ADGRL3: variants seen among roughly 807,000 people sequenced by gnomAD.
ADGRL3 encodes adhesion G protein-coupled receptor L3.
In ADGRL3, 62 loss-of-function variants were observed where a neutral mutation model predicts 153.5. That is an observed-to-expected ratio of 0.40 (90% confidence interval 0.33 to 0.50). ADGRL3 has a LOEUF of 0.50. ADGRL3 is among the 20% of genes least tolerant of loss of function. ADGRL3 has a pLI of 0.47. For synonymous variants in ADGRL3, 710 were observed against 672.5 expected (o/e 1.06, Z -0.86); for missense variants, 1,641 against 1,859.4 (o/e 0.88, Z 2.16).
chr4:61,330,958 C>A (rs894646464), intron 1 of ADGRL3, among the ~76,000 whole-genome samples: 3 of 152,160 alleles, frequency 2.0e-5, no homozygotes, highest in East Asian at 1.9e-4. Context: ...GAGTCAATTT[C>A]ATAAATCTCC....
At chr4:61,352,839 G>T (rs1381332950) in intron 1 of ADGRL3, among the ~76,000 whole-genome samples, 2 of 152,116 alleles carry the variant, frequency 1.3e-5, no homozygotes, top group African/African-American at 4.8e-5. Flanking sequence ...AAGAGTAATT[G>T]AAATTTTTCC....
chr4:61,741,744 C>T (rs1488742633), intron 8 of ADGRL3, among the ~76,000 whole-genome samples: 2 of 152,232 alleles, frequency 1.3e-5, no homozygotes, highest in African/African-American at 4.8e-5. Flanking sequence ...CTGAACTTAA[C>T]TATACAGCTG....
intron 9 of ADGRL3, among the ~76,000 whole-genome samples, chr4:61,825,543 A>G (rs1473921332): frequency 6.6e-6 from 1 of 152,168 alleles, no homozygotes; most frequent in African/African-American, 2.4e-5. Flanking sequence ...TTTTATATAA[A>G]AACATATTTG....
intron 1 of ADGRL3, among the ~76,000 whole-genome samples, chr4:61,224,243 T>A (rs1299550679): frequency 6.6e-6 from 1 of 152,192 alleles, no homozygotes. Context: ...AGCTAAAATT[T>A]GTTGGGTGAA....
intron 1 of ADGRL3, among the ~76,000 whole-genome samples, chr4:61,293,709 C>T (rs2094307910): frequency 6.6e-6 from 1 of 152,128 alleles, no homozygotes; most frequent in Non-Finnish European, 1.5e-5. Context: ...TTTGTAAACT[C>T]ACTTTTTAAT....
At chr4:61,261,189 CTTTTTTT>C (rs56862136) in intron 1 of ADGRL3, among the ~76,000 whole-genome samples, 1 of 118,258 alleles carries the variant, frequency 8.5e-6, no homozygotes, top group Non-Finnish European at 1.7e-5. Context: ...TCATCTTCTT[CTTTTTTT>C]TTTTTTTTTT....
Position 62,074,759 on chromosome 4 carries a change from T to C in ADGRL3, c.*3851T>C, listed in dbSNP as rs896844848. Reference sequence around the variant, plus strand: ...GTAGTTTATCATCTGTATTTTAAAATATCCATCATAACTAAAAATGTTGAC... The same window carrying C: ...GTAGTTTATCATCTGTATTTTAAAACATCCATCATAACTAAAAATGTTGAC... On this transcript the variant is annotated 3_prime_UTR_variant, in exon 27 of 27. Coordinates refer to ENST00000683033, the MANE Select transcript of ADGRL3 (RefSeq NM_001387552.1). 6.6e-6 allele frequency: 1 copy of C among 152,186 alleles called. No individual in the cohort carries two copies. The highest frequency in any genetic ancestry group is 2.4e-5 in the African/African-American group (1 of 41,450). 9.4% of individuals were successfully genotyped at this position (152,186 alleles called of 1,614,324 possible).
At chr4:61,686,076 A>G (rs1393917456) in intron 6 of ADGRL3, among the ~76,000 whole-genome samples, 2 of 152,136 alleles carry the variant, frequency 1.3e-5, no homozygotes, top group Non-Finnish European at 2.9e-5. Flanking sequence ...TAGACATAAA[A>G]GATTGAAGGG....
intron 7 of ADGRL3, 112 bp downstream of exon 7, chr4:61,730,748 T>G (rs1457510876): frequency 3.9e-5 from 11 of 284,128 alleles, no homozygotes; most frequent in Admixed American, 2.7e-4. Flanking sequence ...TTATGAAAAT[T>G]TATTTACTAC....
chr4:61,268,202 G>C (rs72634729), intron 1 of ADGRL3, among the ~76,000 whole-genome samples: 19,319 of 151,420 alleles, frequency 0.13, 1,332 homozygotes, highest in Middle Eastern at 0.18. Flanking sequence ...GGAAATTTCT[G>C]TCTCAGTAAG....
intron 4 of ADGRL3, among the ~76,000 whole-genome samples, chr4:61,582,344 G>A (rs941697158): frequency 2.6e-5 from 4 of 151,662 alleles, no homozygotes; most frequent in South Asian, 2.1e-4. Flanking sequence ...CCCTCCCCCC[G>A]CTCCTGCCTC....
intron 8 of ADGRL3, among the ~76,000 whole-genome samples, chr4:61,746,078 C>T (rs1001389571): frequency 2.0e-5 from 3 of 152,058 alleles, no homozygotes; most frequent in Non-Finnish European, 4.4e-5. Flanking sequence ...ATAAAACAGA[C>T]TTTAAACCAA....
chr4:61,711,727 C>G (rs2095996330), intron 6 of ADGRL3, among the ~76,000 whole-genome samples: 1 of 151,660 alleles, frequency 6.6e-6, no homozygotes, highest in African/African-American at 2.4e-5. Flanking sequence ...GGTTTGGTTA[C>G]AGTTAAGTGT....
In ADGRL3 at chr4:61,669,804, C is replaced by A. The variant is rs187703907; in HGVS notation, c.474-7022C>A. 2.0e-4 allele frequency among the ~76,000 whole-genome samples: 31 copies of A among 152,246 alleles called. 1 individual carries two copies. Among genetic ancestry groups the A allele is most frequent in the Admixed American group, 1.5e-3 (23 of 15,296 alleles). ...CTTTTTTAACATTATCCTACCCTGTCTTTAAAAAGTCAGTGCTTTTCAGTG... is the reference window on the plus strand; with the variant it reads ...CTTTTTTAACATTATCCTACCCTGTATTTAAAAAGTCAGTGCTTTTCAGTG... On this transcript the variant is annotated intron_variant, in intron 5 of 26. Transcript: ENST00000683033.
At chr4:61,379,440 G>C (rs1159174877) in intron 1 of ADGRL3, among the ~76,000 whole-genome samples, 1 of 151,906 alleles carries the variant, frequency 6.6e-6, no homozygotes, top group Non-Finnish European at 1.5e-5. Flanking sequence ...ATGATTTAAG[G>C]ATTAACTCTT....
chr4:61,890,995 G>T (rs1043478991), intron 9 of ADGRL3, among the ~76,000 whole-genome samples: 13 of 152,110 alleles, frequency 8.5e-5, no homozygotes, highest in African/African-American at 2.9e-4. Flanking sequence ...ATAGTTTTAA[G>T]CTTTCAATTG....
intron 8 of ADGRL3, among the ~76,000 whole-genome samples, chr4:61,748,399 C>CGTG (rs1441277966): frequency 6.6e-6 from 1 of 151,146 alleles, no homozygotes; most frequent in Non-Finnish European, 1.5e-5. Flanking sequence ...CCTGCATTCC[C>CGTG]AAGTCAATCC....
chr4:61,743,527 T>C (rs2096610955), intron 8 of ADGRL3, among the ~76,000 whole-genome samples: 2 of 152,144 alleles, frequency 1.3e-5, no homozygotes, highest in South Asian at 4.1e-4. Flanking sequence ...AGAAACACAC[T>C]ACTCATTAAA....
Position 61,948,231 on chromosome 4 carries a change from C to T in ADGRL3, c.2760C>T (p.Asn920=). 3 of 1,613,766 alleles carry T rather than the reference C, an allele frequency of 1.9e-6. No individual in the cohort carries two copies. The highest frequency in any genetic ancestry group is 2.5e-6 in the Non-Finnish European group (3 of 1,179,806). Residue 920 remains asparagine, a synonymous_variant, in exon 17 of 27, where the codon AAC becomes AAT. Transcript: ENST00000683033. Reference sequence around the variant, plus strand: ...AGACACATACTACATGCTCTTGTAACCACCTAACAAATTTTGCAGTACTGA... The same window carrying T: ...AGACACATACTACATGCTCTTGTAATCACCTAACAAATTTTGCAGTACTGA... ...TNKTHTTCSC[N]HLTNFAVLMA...
Sources: gnomAD v4.1 joint callset for allele counts (sites outside exome capture counted in the v4.1 genomes callset) on GRCh38, gnomAD v4.1.1 for gene constraint, MANE v1.5 for transcripts, NCBI Gene and HGNC (gene_info 2026-07-23, HGNC 2026-07-21) for gene names.